Variants in CDC42BPA observed in about 807,000 individuals in gnomAD.
CDC42BPA encodes the protein serine/threonine-protein kinase MRCK alpha.
Under a neutral mutation model 223.5 loss-of-function variants are expected in CDC42BPA, and 80 were observed. The observed-to-expected ratio is 0.36, with a 90% confidence interval of 0.30 to 0.43. The LOEUF (loss-of-function observed/expected upper bound fraction) is 0.43. Ranked by LOEUF, CDC42BPA falls within the 20% of genes least tolerant of loss-of-function variation. CDC42BPA has a pLI of 1.00. For missense variants in CDC42BPA, 1,743 were observed against 2,099.9 expected, an observed-to-expected ratio of 0.83 and a Z score of 3.32; for synonymous variants, 694 against 718.6, an observed-to-expected ratio of 0.97 and a Z score of 0.55.
intron 11 of CDC42BPA, among the ~76,000 whole-genome samples, chr1:227,126,164 T>C (rs935440355): frequency 6.6e-6 from 1 of 152,132 alleles, no homozygotes; most frequent in East Asian, 1.9e-4. Flanking sequence ...TTCCCTAATA[T>C]ATACTGCTAG....
intron 1 of CDC42BPA, among the ~76,000 whole-genome samples, chr1:227,300,000 C>A (rs541472860): frequency 4.7e-4 from 71 of 152,200 alleles, no homozygotes; most frequent in African/African-American, 1.7e-3. Flanking sequence ...TTCAGCAATC[C>A]CCTGAAACAA....
At chr1:227,075,965 T>C (rs1425692599) in intron 17 of CDC42BPA, among the ~76,000 whole-genome samples, 1 of 152,210 alleles carries the variant, frequency 6.6e-6, no homozygotes, top group Non-Finnish European at 1.5e-5. Flanking sequence ...ATCTCTTTTT[T>C]CTAACTTTGC....
chr1:227,062,547 T>C (rs1658480119), intron 21 of CDC42BPA, among the ~76,000 whole-genome samples: 1 of 152,192 alleles, frequency 6.6e-6, no homozygotes, highest in Non-Finnish European at 1.5e-5. Flanking sequence ...GCAGGAAATA[T>C]TACGCTTAAG....
chr1:227,293,474 C>A (rs1369332651), intron 1 of CDC42BPA, among the ~76,000 whole-genome samples: 1 of 151,406 alleles, frequency 6.6e-6, no homozygotes, highest in Admixed American at 6.6e-5. Flanking sequence ...TATCTACATC[C>A]CAATTGCCAT....
At chr1:227,268,757 T>C (rs2148445855) in intron 1 of CDC42BPA, among the ~76,000 whole-genome samples, 1 of 151,166 alleles carries the variant, frequency 6.6e-6, no homozygotes, top group Non-Finnish European at 1.5e-5. Flanking sequence ...GTGATCCCGG[T>C]TCACTGCAGC....
chr1:227,094,398 T>C (rs968131525), intron 15 of CDC42BPA, among the ~76,000 whole-genome samples: 1 of 152,152 alleles, frequency 6.6e-6, no homozygotes. Context: ...AGTTCAACAA[T>C]GAATAGCCAG....
intron 35 of CDC42BPA, among the ~76,000 whole-genome samples, chr1:226,996,644 C>A (rs549448191): frequency 2.0e-4 from 31 of 152,250 alleles, no homozygotes; most frequent in African/African-American, 7.0e-4. Context: ...TCCATCAATA[C>A]CTAGTTTATT....
intron 1 of CDC42BPA, among the ~76,000 whole-genome samples, chr1:227,305,548 A>G (rs1040753175): frequency 1.3e-5 from 2 of 152,242 alleles, no homozygotes; most frequent in African/African-American, 4.8e-5. Flanking sequence ...TCATACCTTT[A>G]GATGTCATTC....
chr1:227,149,135 T>A (rs1661269071), intron 6 of CDC42BPA, among the ~76,000 whole-genome samples: 1 of 152,172 alleles, frequency 6.6e-6, no homozygotes, highest in South Asian at 2.1e-4. Flanking sequence ...ATTATAAAAA[T>A]CTGCCACAAA....
Position 227,199,639 on chromosome 1 carries a change from C to A in CDC42BPA, c.368G>T (p.Arg123Leu). 1.3e-6 allele frequency: 2 copies of A among 1,599,962 alleles called. No individual in the cohort carries two copies. The highest frequency in any genetic ancestry group is 2.2e-5 in the East Asian group (1 of 44,470). ...MLKRAETACF[R>L]EERDVLVNGD... ...ATTCACTAATACATCCCTTTCTTCA[C>A]GAAAACATGCTGTCTGAAACACAAA... Residue 123 changes from arginine (R) to leucine (L), a missense_variant, in exon 4 of 37, where the codon CGT (arginine) becomes CTT (leucine). Arg to Leu is a moderately radical substitution (Grantham distance 102). Around this residue, in one of 6 missense-constraint regions of CDC42BPA, gnomAD observed 321 missense variants for 488.7 expected, o/e 0.66. Coordinates refer to ENST00000366766, the MANE Select transcript of CDC42BPA (RefSeq NM_001394014.1).
chr1:227,069,072 G>A (rs1025308764), intron 21 of CDC42BPA: 1 of 154,370 alleles, frequency 6.5e-6, no homozygotes, highest in Non-Finnish European at 1.4e-5. Context: ...TGGAATGTAA[G>A]TTCTAGTGGG....
chr1:227,062,483 A>G (rs1343896), intron 21 of CDC42BPA, among the ~76,000 whole-genome samples: 10,537 of 152,074 alleles, frequency 0.069, 559 homozygotes, highest in East Asian at 0.25. Context: ...CTGGTTATAT[A>G]TTTGTCTTTC....
chr1:227,242,623 C>A (rs902141513), intron 2 of CDC42BPA, among the ~76,000 whole-genome samples: 3 of 151,852 alleles, frequency 2.0e-5, no homozygotes, highest in African/African-American at 7.3e-5. Context: ...AAATAGAATT[C>A]TAAAACTATC....
intron 4 of CDC42BPA, among the ~76,000 whole-genome samples, chr1:227,198,766 T>G (rs1005765892): frequency 6.6e-6 from 1 of 152,036 alleles, no homozygotes; most frequent in African/African-American, 2.4e-5. Flanking sequence ...TGTGTTTTTT[T>G]TTTTTTGAGA....
At chr1:227,180,953 C>A (rs1196697660) in intron 5 of CDC42BPA, among the ~76,000 whole-genome samples, 1 of 151,442 alleles carries the variant, frequency 6.6e-6, no homozygotes, top group Non-Finnish European at 1.5e-5. Flanking sequence ...ATTACCACAA[C>A]CTATTTGGCA....
rs779657903 is a variant in CDC42BPA, at chr1:227,028,944, T to C, written c.4145A>G (p.Tyr1382Cys). The C allele has an allele frequency of 1.7e-5, 28 of 1,614,178 alleles. 2 individuals are homozygous for C. The South Asian group carries it at 2.9e-4, about 16-fold the overall frequency. ...GAAGATTGCCATCCACTGGACATTA[T>C]ATGGGACTTGAATTTCTTTAAATTT... ...HRKFKEIQVPYNVQWMAIFSE... is the reference protein window; with the variant it reads ...HRKFKEIQVPCNVQWMAIFSE... The change falls in exon 30 of 37, where the codon TAT becomes TGT. Residue 1382 changes from tyrosine (Y) to cysteine (C), a missense_variant. Tyr to Cys is a radical substitution (Grantham distance 194, BLOSUM62 -2). This residue lies in a region of CDC42BPA where 678 missense variants were observed against 777.5 expected (regional missense o/e 0.87). Coordinates refer to ENST00000366766, the MANE Select transcript of CDC42BPA (RefSeq NM_001394014.1).
At chr1:227,117,408 C>T (rs1487964474) in intron 12 of CDC42BPA, among the ~76,000 whole-genome samples, 1 of 152,068 alleles carries the variant, frequency 6.6e-6, no homozygotes, top group African/African-American at 2.4e-5. Flanking sequence ...CCTCAATCTA[C>T]CAGGCTCAAG....
At chr1:227,227,513 T>C (rs1298295497) in intron 2 of CDC42BPA, among the ~76,000 whole-genome samples, 1 of 152,230 alleles carries the variant, frequency 6.6e-6, no homozygotes, top group Non-Finnish European at 1.5e-5. Context: ...TACTTTCCTA[T>C]ATATCATAAA....
chr1:227,165,331 C>G (rs1302953309), intron 5 of CDC42BPA, among the ~76,000 whole-genome samples: 1 of 152,080 alleles, frequency 6.6e-6, no homozygotes, highest in East Asian at 1.9e-4. Context: ...GCCAAGGAAG[C>G]TGAATTATAA....
Sources: gnomAD v4.1 joint callset for allele counts (sites outside exome capture counted in the v4.1 genomes callset) on GRCh38, gnomAD v4.1.1 for gene constraint, gnomAD v4.1.1 regional missense constraint, MANE v1.5 for transcripts, NCBI Gene and HGNC (gene_info 2026-07-23, HGNC 2026-07-21) for gene names.